LMLN: variants seen among roughly 807,000 people sequenced by gnomAD.
LMLN encodes the protein leishmanolysin-like peptidase.
LMLN carries 70 observed loss-of-function variants against 92.3 expected under a neutral mutation model. That is an observed-to-expected ratio of 0.76 (90% CI 0.63 to 0.92). The LOEUF is 0.92. LMLN is among the 40% of genes least tolerant of loss of function. The probability of loss-of-function intolerance (pLI) is 0.00; values close to 1 mark genes in which losing one functional copy is unlikely to be tolerated. For synonymous variants in LMLN, 308 were observed against 296.2 expected (o/e 1.04, Z -0.41); for missense variants, 691 against 814.6 (o/e 0.85, Z 1.85).
rs1222197533 is a variant in LMLN at position 197,983,562 on chromosome 3, A to T, written c.729-381A>T. On this transcript the variant is annotated intron_variant, in intron 6 of 15. Transcript: ENST00000330198. ...AACCACTCATTTATTGCCCCATTTG[A>T]TAACTGCTTTCCTCTCTACCTGCTT... 5.9e-5 allele frequency among the ~76,000 whole-genome samples: 9 copies of T among 152,352 alleles called. No homozygotes were observed. In the East Asian group the frequency reaches 9.6e-4, roughly 16 times the overall value.
intron 15 of LMLN, among the ~76,000 whole-genome samples, chr3:198,037,207 G>A (rs1010911649): frequency 6.6e-6 from 1 of 152,178 alleles, no homozygotes; most frequent in African/African-American, 2.4e-5. Flanking sequence ...ATCAGCAATG[G>A]GAAGAGGTGC....
At chr3:197,960,473 A>G (rs1400029355) in intron 1 of LMLN, 33 bp downstream of exon 1, 2 of 1,591,408 alleles carry the variant, frequency 1.3e-6, no homozygotes, top group South Asian at 2.2e-5. Flanking sequence ...GGGCCCTCTC[A>G]GGGTAAAGTC....
chr3:197,988,260 G>A (rs1418815783), intron 8 of LMLN, among the ~76,000 whole-genome samples: 1 of 150,958 alleles, frequency 6.6e-6, no homozygotes, highest in African/African-American at 2.4e-5. Context: ...CTGGGACTAC[G>A]GTCACATGCC....
chr3:197,975,505 G>A (rs116170452), intron 3 of LMLN, among the ~76,000 whole-genome samples: 2 of 147,500 alleles, frequency 1.4e-5, no homozygotes, highest in Admixed American at 6.7e-5. Flanking sequence ...ACACGCGCAC[G>A]TGCACGCACA....
intron 1 of LMLN, among the ~76,000 whole-genome samples, chr3:197,972,601 A>G (rs1020184583): frequency 3.3e-5 from 5 of 151,468 alleles, no homozygotes; most frequent in African/African-American, 1.2e-4. Flanking sequence ...TGTGGATCTC[A>G]TTTTCCCATT....
intron 4 of LMLN, 55 bp downstream of exon 4, chr3:197,976,166 C>A: frequency 9.3e-7 from 1 of 1,075,424 alleles, no homozygotes; most frequent in Non-Finnish European, 1.4e-6. Context: ...CTCTGCCTTT[C>A]TCGTTCTATG....
chr3:197,980,344 G>C (rs774980590), exon 6 of LMLN: 4 of 1,613,688 alleles, frequency 2.5e-6, no homozygotes, highest in Non-Finnish European at 3.4e-6. Flanking sequence ...GGTCTACCGT[G>C]GGGGTAAGTG....
chr3:198,012,870 T>C (rs9812528), intron 11 of LMLN, among the ~76,000 whole-genome samples: 8,416 of 109,678 alleles, frequency 0.077, 734 homozygotes, highest in African/African-American at 0.23. Flanking sequence ...GACTTCTCTG[T>C]ACCCTTCAGA....
At chr3:198,020,766 G>GTTTGTTTTTTTTTTTTTTTTT (rs1260852398) in intron 12 of LMLN, among the ~76,000 whole-genome samples, 1 of 25,642 alleles carries the variant, frequency 3.9e-5, no homozygotes, top group African/African-American at 1.8e-4. Flanking sequence ...GCTAATTTTT[G>GTTTGTTTTTTTTTTTTTTTTT]TATTTTTTTT....
chr3:197,974,379 CATAA>C lies in LMLN; in HGVS notation c.228_231del (p.Asn76LysfsTer18), dbSNP rs1721309959. 1.9e-6 allele frequency: 3 copies of C among 1,557,182 alleles called. No homozygotes were observed. The highest frequency in any genetic ancestry group is 2.3e-5 in the South Asian group (2 of 86,560). On this transcript the variant is annotated frameshift_variant, in exon 2 of 16. Transcript: ENST00000330198. LOFTEE classifies it high-confidence loss of function. Reference sequence around the variant, plus strand: ...TTCAAATCCGTTCCTTTTTTCAGGTCATAAATAAAGTTCATCTTAAGGCAAATCA... The same window carrying C: ...TTCAAATCCGTTCCTTTTTTCAGGTCATAAAGTTCATCTTAAGGCAAATCA...
rs144772319 is a variant in LMLN at position 198,035,607 on chromosome 3, C to T, written c.1657-226C>T. ...CGATCTCTTGACCTCATGATCTGCC[C>T]GCCTCAGCCTCCCAAAGAGTGGGAT... On this transcript the variant is annotated intron_variant, in intron 14 of 15. Transcript: ENST00000330198. 5.8e-4 allele frequency among the ~76,000 whole-genome samples: 88 copies of T among 151,980 alleles called. 1 individual carries two copies. The highest frequency in any genetic ancestry group is 4.1e-3 in the Admixed American group (62 of 15,260).
chr3:197,996,855 C>T (rs1360357225), intron 10 of LMLN, among the ~76,000 whole-genome samples: 1 of 152,150 alleles, frequency 6.6e-6, no homozygotes, highest in Non-Finnish European at 1.5e-5. Context: ...TCATAGCACA[C>T]TACAGCCTCG....
chr3:198,020,150 C>A (rs1394634494), intron 12 of LMLN, among the ~76,000 whole-genome samples: 1 of 152,184 alleles, frequency 6.6e-6, no homozygotes, highest in Non-Finnish European at 1.5e-5. Context: ...TGTGAGCCAA[C>A]ATGTCTGGCT....
intron 2 of LMLN, 37 bp from the exon 3 acceptor site, chr3:197,975,005 A>C: frequency 1.5e-6 from 2 of 1,373,850 alleles, no homozygotes; most frequent in Non-Finnish European, 2.1e-6. Context: ...TATGCCTCTG[A>C]GAGATAATCC....
At chr3:198,034,833 C>T (rs186103840) in intron 14 of LMLN, among the ~76,000 whole-genome samples, 4 of 152,164 alleles carry the variant, frequency 2.6e-5, no homozygotes, top group Admixed American at 1.3e-4. Flanking sequence ...TGCTGTGTGG[C>T]GTTTCTATGC....
intron 9 of LMLN, among the ~76,000 whole-genome samples, chr3:197,992,465 A>G (rs1384205439): frequency 6.6e-6 from 1 of 152,240 alleles, no homozygotes; most frequent in Non-Finnish European, 1.5e-5. Flanking sequence ...ATTACAGCTG[A>G]TACCACAGAA....
At chr3:198,037,857 T>C (rs1723275484) in intron 15 of LMLN, among the ~76,000 whole-genome samples, 1 of 152,178 alleles carries the variant, frequency 6.6e-6, no homozygotes, top group Non-Finnish European at 1.5e-5. Context: ...TCAAGTCTGA[T>C]TGATTGGTGA....
At chr3:198,010,710 C>T (rs1002830708) in intron 11 of LMLN, among the ~76,000 whole-genome samples, 10 of 152,192 alleles carry the variant, frequency 6.6e-5, no homozygotes, top group African/African-American at 2.4e-4. Flanking sequence ...CTCGGCCTCC[C>T]AAAGTGCTGG....
intron 11 of LMLN, 31 bp downstream of exon 12, chr3:198,003,156 A>T (rs770752567): frequency 4.9e-6 from 6 of 1,228,208 alleles, no homozygotes; most frequent in Non-Finnish European, 5.8e-6. Flanking sequence ...AGTGTCACTG[A>T]TTACACAGTT....
Sources: allele counts gnomAD v4.1 joint callset (sites outside exome capture counted in the v4.1 genomes callset), GRCh38; gene constraint gnomAD v4.1.1; transcripts MANE v1.5; gene names NCBI Gene and HGNC (gene_info 2026-07-23, HGNC 2026-07-21).